Variants in OCA2 observed in about 807,000 individuals in gnomAD.
OCA2 encodes the protein P protein.
Under a neutral mutation model 100.2 loss-of-function variants are expected in OCA2, and 77 were observed. The ratio of observed to expected loss-of-function variants is 0.77; its 90% CI spans 0.64 to 0.93. OCA2 has a LOEUF of 0.93. OCA2 is among the 40% of genes least tolerant of loss of function. The pLI, the probability that OCA2 is intolerant of heterozygous loss-of-function variation, is 0.00. For missense variants in OCA2, 1,062 were observed against 1,089.1 expected (o/e 0.98, Z 0.35); for synonymous variants, 432 against 439.2 (o/e 0.98, Z 0.21).
At chr15:27,916,928 G>A (rs1307301786) in intron 19 of OCA2, among the ~76,000 whole-genome samples, 1 of 152,168 alleles carries the variant, frequency 6.6e-6, no homozygotes, top group African/African-American at 2.4e-5. Flanking sequence ...AAAGGGCCAG[G>A]AAGCCCTCAA....
intron 2 of OCA2, among the ~76,000 whole-genome samples, chr15:28,062,009 G>A (rs1255259315): frequency 6.6e-6 from 1 of 152,178 alleles, no homozygotes; most frequent in Non-Finnish European, 1.5e-5. Flanking sequence ...TGGCCATTAG[G>A]AATAATGCTG....
At chr15:27,981,313 T>C (rs2041153522) in intron 14 of OCA2, among the ~76,000 whole-genome samples, 1 of 152,230 alleles carries the variant, frequency 6.6e-6, no homozygotes, top group Non-Finnish European at 1.5e-5. Context: ...TAGTTTCAAA[T>C]GGTTTGTATC....
At chr15:28,064,916 T>C (rs1178301459) in intron 2 of OCA2, among the ~76,000 whole-genome samples, 1 of 151,742 alleles carries the variant, frequency 6.6e-6, no homozygotes, top group African/African-American at 2.4e-5. Flanking sequence ...TGGTTGCTGT[T>C]GTTGTCACTG....
chr15:27,997,393 T>C (rs2041784945), intron 9 of OCA2, among the ~76,000 whole-genome samples: 1 of 151,244 alleles, frequency 6.6e-6, no homozygotes, highest in African/African-American at 2.4e-5. Context: ...GCTTTCTACA[T>C]ATGGCTAGCC....
chr15:27,803,509 C>T (rs900497447), intron 23 of OCA2, among the ~76,000 whole-genome samples: 8 of 152,040 alleles, frequency 5.3e-5, no homozygotes, highest in African/African-American at 1.7e-4. Context: ...TATATGATTC[C>T]GCTAATATGA....
At chr15:27,811,394 A>T (rs960095420) in intron 23 of OCA2, among the ~76,000 whole-genome samples, 9 of 152,262 alleles carry the variant, frequency 5.9e-5, no homozygotes, top group Non-Finnish European at 1.3e-4. Context: ...TGACATAAAA[A>T]ATTACATATT....
chr15:27,760,204 T>C (rs2030721389), intron 23 of OCA2, among the ~76,000 whole-genome samples: 1 of 151,972 alleles, frequency 6.6e-6, no homozygotes, highest in African/African-American at 2.4e-5. Context: ...TGGAACTGAA[T>C]GAAAATGGAG....
At chr15:27,796,870 G>A (rs1232001122) in intron 23 of OCA2, among the ~76,000 whole-genome samples, 1 of 152,104 alleles carries the variant, frequency 6.6e-6, no homozygotes, top group African/African-American at 2.4e-5. Flanking sequence ...CCCACTCCGT[G>A]TCCCTCCAAT....
Position 27,789,701 on chromosome 15 carries a change from G to A in OCA2, c.2433-34229C>T, listed in dbSNP as rs185981282. Among the ~76,000 whole-genome samples the A allele has an allele frequency of 2.6e-5, 4 of 152,168 alleles. No individual in the cohort carries two copies. The East Asian group carries it at 7.7e-4, about 29-fold the overall frequency. On this transcript the variant is annotated intron_variant, in intron 23 of 23. Coordinates refer to ENST00000354638, the MANE Select transcript of OCA2 (RefSeq NM_000275.3). The stretch of plus-strand genomic sequence containing the variant: ...TGTCTGGCTAGTCTGATTTTTATTT[G>A]ATTTTTAGCAAAAGTACAAAAGCAA...
chr15:27,928,984 G>T (rs2039147248), intron 18 of OCA2, among the ~76,000 whole-genome samples: 2 of 152,262 alleles, frequency 1.3e-5, no homozygotes, highest in Admixed American at 1.3e-4. Context: ...AAGCAGAGAG[G>T]TATGTACGAA....
intron 11 of OCA2, 147 bp downstream of exon 11, chr15:27,989,454 A>G: frequency 1.4e-6 from 1 of 723,340 alleles, no homozygotes; most frequent in Non-Finnish European, 2.5e-6. Flanking sequence ...CCTCCTCAGG[A>G]GATTCATGAG....
chr15:27,952,124 G>T (rs776997627), intron 17 of OCA2, among the ~76,000 whole-genome samples: 1 of 152,206 alleles, frequency 6.6e-6, no homozygotes, highest in Non-Finnish European at 1.5e-5. Context: ...GAGTAGCACA[G>T]CCCTGTTATG....
intron 23 of OCA2, among the ~76,000 whole-genome samples, chr15:27,828,342 C>T (rs867119723): frequency 6.6e-6 from 1 of 152,206 alleles, no homozygotes; most frequent in Non-Finnish European, 1.5e-5. Flanking sequence ...TAGGGACTGA[C>T]TGCTCAGTGC....
At chr15:27,952,701 G>A (rs765756949) in intron 17 of OCA2, among the ~76,000 whole-genome samples, 8 of 150,418 alleles carry the variant, frequency 5.3e-5, no homozygotes, top group Non-Finnish European at 1.2e-4. Flanking sequence ...CATTTTTTGA[G>A]ACAGTCTCAC....
intron 23 of OCA2, among the ~76,000 whole-genome samples, chr15:27,795,071 G>A (rs897918457): frequency 1.3e-5 from 2 of 152,088 alleles, no homozygotes; most frequent in African/African-American, 2.4e-5. Context: ...AGTGGCTTAC[G>A]TTCGTTCCAT....
intron 13 of OCA2, among the ~76,000 whole-genome samples, chr15:27,984,629 C>T (rs557536408): frequency 6.6e-6 from 1 of 152,292 alleles, no homozygotes; most frequent in South Asian, 2.1e-4. Context: ...GGCGCAATCT[C>T]AGCTCACTGC....
Position 27,926,225 on chromosome 15 carries a change from A to G in OCA2, c.1981T>C (p.Leu661=). The G allele has an allele frequency of 1.2e-6, 2 of 1,614,168 alleles. No individual in the cohort carries two copies. Among genetic ancestry groups the G allele is most frequent in the Non-Finnish European group, 1.7e-6 (2 of 1,179,988 alleles). The change falls in exon 19 of 24, where the codon TTG becomes CTG. Residue 661 remains leucine (L), a synonymous_variant. Transcript: ENST00000354638. ...GWIAILGAIW[L]LILADIHDFE... Reference sequence around the variant, plus strand: ...TCATGAATATCAGCTAAAATTAGCAACCAGATGGCACCCAGAATAGCAATC... The same window carrying G: ...TCATGAATATCAGCTAAAATTAGCAGCCAGATGGCACCCAGAATAGCAATC...
In OCA2 at chr15:28,091,250, C is replaced by T. The variant is rs150225112; in HGVS notation, c.-22+7974G>A. On this transcript the variant is annotated intron_variant, in intron 1 of 23. Transcript: ENST00000354638. ...GGTTTCACTAGAGAATTCTACCAAA[C>T]ATTTAACACCAATTCTATACAATCT... 1.9e-3 allele frequency among the ~76,000 whole-genome samples: 295 copies of T among 152,280 alleles called. 2 individuals are homozygous for T. The highest frequency in any genetic ancestry group is 6.7e-3 in the African/African-American group (278 of 41,564).
intron 19 of OCA2, among the ~76,000 whole-genome samples, chr15:27,903,112 C>A (rs1445163271): frequency 6.6e-6 from 1 of 152,240 alleles, no homozygotes; most frequent in African/African-American, 2.4e-5. Context: ...GGGGTCCCAG[C>A]GCTCCTGCGC....
Sources: allele counts gnomAD v4.1 joint callset (sites outside exome capture counted in the v4.1 genomes callset), GRCh38; gene constraint gnomAD v4.1.1; transcripts MANE v1.5; gene names NCBI Gene and HGNC (gene_info 2026-07-23, HGNC 2026-07-21).